Variants in RAB38 observed in about 807,000 individuals in gnomAD.
RAB38 encodes the protein ras-related protein Rab-38.
Under a neutral mutation model 18.4 loss-of-function variants are expected in RAB38, and 15 were observed. That is an observed-to-expected ratio of 0.82 (90% CI 0.55 to 1.26). The LOEUF (loss-of-function observed/expected upper bound fraction) is 1.26, where lower values mean the gene tolerates loss of function less well. Among genes scored for constraint, RAB38 ranks in the 50% most tolerant of loss-of-function variants. The pLI is 0.00. For synonymous variants in RAB38, 101 were observed against 104.4 expected (o/e 0.97, Z 0.20); for missense variants, 294 against 267.4 (o/e 1.10, Z -0.69).
chr11:88,052,764 C>T, the RAB38 span, among the ~76,000 whole-genome samples: 11 of 151,068 alleles, frequency 7.3e-5, no homozygotes, highest in Non-Finnish European at 1.5e-4. Flanking sequence ...CCACCTTTGA[C>T]AGCAAGGAAT....
chr11:88,116,519 G>A (rs2134771460), intron 2 of RAB38, among the ~76,000 whole-genome samples: 1 of 152,290 alleles, frequency 6.6e-6, no homozygotes, highest in East Asian at 1.9e-4. Flanking sequence ...GGCTTCCCCA[G>A]AATCACACAG....
chr11:88,159,864 GCTAGAAGAAAC>G (rs1276007069), intron 1 of RAB38, among the ~76,000 whole-genome samples: 2 of 151,918 alleles, frequency 1.3e-5, no homozygotes, highest in Non-Finnish European at 3.0e-5. Flanking sequence ...AAGATCTGAA[GCTAGAAGAAAC>G]CTAGAAGAAA....
At chr11:88,024,252 G>C in the RAB38 span, among the ~76,000 whole-genome samples, 1 of 152,106 alleles carries the variant, frequency 6.6e-6, no homozygotes, top group Non-Finnish European at 1.5e-5. Flanking sequence ...CTCAAAAGAA[G>C]ATATACAAAT....
At chr11:88,171,214 G>A (rs1943308740) in intron 1 of RAB38, among the ~76,000 whole-genome samples, 1 of 152,150 alleles carries the variant, frequency 6.6e-6, no homozygotes, top group African/African-American at 2.4e-5. Flanking sequence ...AAAATACTAA[G>A]ATGCAGGTAT....
chr11:87,840,796 A>G, the RAB38 span, among the ~76,000 whole-genome samples: 1 of 152,212 alleles, frequency 6.6e-6, no homozygotes, highest in Non-Finnish European at 1.5e-5. Context: ...ACACCTCTAT[A>G]TAGGGTGGTT....
intron 1 of RAB38, chr11:88,173,833 T>C (rs1282872166): frequency 1.0e-6 from 1 of 985,288 alleles, no homozygotes; most frequent in Non-Finnish European, 1.2e-6. Context: ...TGTTCATCTG[T>C]TCACATGCTA....
intron 2 of RAB38, among the ~76,000 whole-genome samples, chr11:88,129,757 A>G (rs1022268154): frequency 1.3e-5 from 2 of 152,248 alleles, no homozygotes; most frequent in Admixed American, 1.3e-4. Flanking sequence ...AGTTATTTTT[A>G]ATATACAGAT....
chr11:87,821,830 G>GA, the RAB38 span, among the ~76,000 whole-genome samples: 4,320 of 148,288 alleles, frequency 0.029, 139 homozygotes, highest in African/African-American at 0.077. Context: ...CACCCTGGGC[G>GA]AAAGAGCGAC....
At chr11:88,010,314 G>T in the RAB38 span, among the ~76,000 whole-genome samples, 1 of 152,118 alleles carries the variant, frequency 6.6e-6, no homozygotes, top group Non-Finnish European at 1.5e-5. Flanking sequence ...TAAAGCACTA[G>T]AATTCCAGCT....
chr11:87,856,917 G>T, the RAB38 span, among the ~76,000 whole-genome samples: 2 of 152,060 alleles, frequency 1.3e-5, no homozygotes, highest in African/African-American at 2.4e-5. Context: ...ACAATGTGCA[G>T]GTTTGTTACA....
At chr11:88,120,497 C>A (rs1478904201) in intron 2 of RAB38, among the ~76,000 whole-genome samples, 1 of 152,134 alleles carries the variant, frequency 6.6e-6, no homozygotes, top group African/African-American at 2.4e-5. Flanking sequence ...CTCAGTGATG[C>A]CCTATTGTAT....
intron 1 of RAB38, among the ~76,000 whole-genome samples, chr11:88,152,328 C>T (rs1228027606): frequency 6.6e-6 from 1 of 152,082 alleles, no homozygotes; most frequent in Non-Finnish European, 1.5e-5. Flanking sequence ...AAAGATTTTG[C>T]ACTTTAAATA....
chr11:87,977,413 ATATAAT>A, the RAB38 span, among the ~76,000 whole-genome samples: 1 of 105,172 alleles, frequency 9.5e-6, no homozygotes, highest in East Asian at 2.9e-4. Flanking sequence ...ATATTATAAA[ATATAAT>A]TATATTATAA....
the RAB38 span, among the ~76,000 whole-genome samples, chr11:87,825,287 T>C: frequency 6.6e-6 from 1 of 151,866 alleles, no homozygotes; most frequent in Non-Finnish European, 1.5e-5. Context: ...GAAAAAAGAG[T>C]CCTCATTGAC....
chr11:87,836,994 C>T, the RAB38 span, among the ~76,000 whole-genome samples: 143 of 152,292 alleles, frequency 9.4e-4, 1 homozygote, highest in African/African-American at 3.2e-3. Context: ...ATTACTTAGT[C>T]TTATGCTTCA....
chr11:88,109,942 T>C (rs188273617), downstream of RAB38, among the ~76,000 whole-genome samples: 107 of 152,300 alleles, frequency 7.0e-4, no homozygotes, highest in African/African-American at 2.6e-3. Flanking sequence ...AGTTCAACCA[T>C]TGTGGACGAC....
At chr11:87,918,685 T>C in the RAB38 span, among the ~76,000 whole-genome samples, 1 of 152,114 alleles carries the variant, frequency 6.6e-6, no homozygotes, top group East Asian at 1.9e-4. Flanking sequence ...TTTTAAGAAA[T>C]GTCTATTGCG....
At chr11:87,852,460 A>C in the RAB38 span, among the ~76,000 whole-genome samples, 2 of 152,112 alleles carry the variant, frequency 1.3e-5, no homozygotes, top group African/African-American at 2.4e-5. Flanking sequence ...ATTCTGTTTG[A>C]AAATATTGTG....
chr11:88,056,653 A>C, the RAB38 span, among the ~76,000 whole-genome samples: 1 of 152,098 alleles, frequency 6.6e-6, no homozygotes, highest in South Asian at 2.1e-4. Context: ...ATACACAAAA[A>C]ATTAGACGAG....
Sources: gnomAD v4.1 joint callset for allele counts (sites outside exome capture counted in the v4.1 genomes callset) on GRCh38, gnomAD v4.1.1 for gene constraint, MANE v1.5 for transcripts, NCBI Gene and HGNC (gene_info 2026-07-23, HGNC 2026-07-21) for gene names.